Variants in FXYD6 observed in about 807,000 individuals in gnomAD.
FXYD6 encodes FXYD domain containing ion transport regulator 6.
In FXYD6, 7 loss-of-function variants were observed where a neutral mutation model predicts 16.7. That is an observed-to-expected ratio of 0.42 (90% CI 0.24 to 0.79). FXYD6 has a LOEUF of 0.79. Among genes scored for constraint, FXYD6 ranks in the 30% least tolerant of loss-of-function variants. FXYD6 has a pLI of 0.28. For missense variants in FXYD6, 111 were observed against 116.2 expected (o/e 0.95, Z 0.21); for synonymous variants, 49 against 43.0 (o/e 1.14, Z -0.54).
At chr11:117,849,457 G>A (rs1001164359) in intron 1 of FXYD6, among the ~76,000 whole-genome samples, 1 of 151,986 alleles carries the variant, frequency 6.6e-6, no homozygotes, top group African/African-American at 2.4e-5. Context: ...TATGTGCTTG[G>A]AAAATTGTGA....
chr11:117,864,773 G>A (rs2056979036), intron 1 of FXYD6, among the ~76,000 whole-genome samples: 1 of 152,154 alleles, frequency 6.6e-6, no homozygotes, highest in African/African-American at 2.4e-5. Flanking sequence ...TTTTAGTAGA[G>A]ACAGGGTTTC....
chr11:117,847,567 T>C (rs995041179), intron 1 of FXYD6, among the ~76,000 whole-genome samples: 1 of 137,682 alleles, frequency 7.3e-6, no homozygotes, highest in Admixed American at 8.1e-5. Flanking sequence ...CCTGTGTCCA[T>C]GTGTTCTCAT....
upstream of FXYD6, chr11:117,876,749 CGGGG>C (rs949564962): frequency 1.2e-5 from 1 of 82,350 alleles, no homozygotes; most frequent in Non-Finnish European, 2.8e-5. Flanking sequence ...GCGCGTCCTG[CGGGG>C]GCGGGGGGGG....
At chr11:117,869,711 C>G (rs1310974345) in intron 1 of FXYD6, among the ~76,000 whole-genome samples, 1 of 152,202 alleles carries the variant, frequency 6.6e-6, no homozygotes, top group Non-Finnish European at 1.5e-5. Flanking sequence ...CAGAAAATAA[C>G]TGACTGTGAA....
rs1239436489 is a variant in FXYD6, at chr11:117,872,166, T to C, written c.-6+4426A>G. Among the ~76,000 whole-genome samples, 2 of 152,204 alleles carry C rather than the reference T, an allele frequency of 1.3e-5. No individual in the cohort carries two copies. The highest frequency in any genetic ancestry group is 4.8e-5 in the African/African-American group (2 of 41,440). On this transcript the variant is annotated intron_variant, in intron 1 of 7. Coordinates refer to ENST00000526014, the MANE Select transcript of FXYD6 (RefSeq NM_022003.4). This position sits in a 1 kb window ranked among gnomAD's most constrained non-coding sequence, Gnocchi z 4.9. ...GGTGGACGTTCACAGGCCATCACCA[T>C]GGTCTGAGAGACTGCAGCTCTTCGG... is the stretch of plus-strand genomic sequence containing the variant.
chr11:117,839,665 A>G, intron 7 of FXYD6, 116 bp downstream of exon 7: 5 of 1,264,314 alleles, frequency 4.0e-6, no homozygotes, highest in Middle Eastern at 2.0e-4. Flanking sequence ...AGGGCCCATA[A>G]TAAAAGCTGT....
chr11:117,839,874 C>A, intron 6 of FXYD6, 44 bp from the exon 7 acceptor site: 1 of 1,613,024 alleles, frequency 6.2e-7, no homozygotes, highest in Non-Finnish European at 8.5e-7. Flanking sequence ...AGACTCCTCA[C>A]CCCCGTGGGC....
chr11:117,847,646 A>G (rs1340430455), intron 1 of FXYD6, among the ~76,000 whole-genome samples: 2 of 151,612 alleles, frequency 1.3e-5, no homozygotes, highest in Non-Finnish European at 2.9e-5. Context: ...TAGTTTTCTG[A>G]GAATGATGGT....
chr11:117,839,530 G>A (rs958815509), intron 7 of FXYD6: 12 of 478,864 alleles, frequency 2.5e-5, no homozygotes, highest in African/African-American at 3.8e-5. Context: ...CTATGCACTC[G>A]GCCAGTGGGC....
intron 1 of FXYD6, among the ~76,000 whole-genome samples, chr11:117,856,353 T>C (rs1409890952): frequency 6.6e-6 from 1 of 152,162 alleles, no homozygotes; most frequent in African/African-American, 2.4e-5. Flanking sequence ...AGGCTCCAAA[T>C]TACAGTGAAA....
chr11:117,842,340 C>T (rs1051232310), intron 2 of FXYD6: 8 of 562,166 alleles, frequency 1.4e-5, no homozygotes, highest in Admixed American at 9.6e-5. Context: ...TTGTGACACA[C>T]GGAGAAACCG....
chr11:117,839,531 G>A lies in FXYD6; in HGVS notation c.*21+250C>T, dbSNP rs113136382. ...CTTGGGATGACGCCCTATGCACTCG[G>A]CCAGTGGGCTGTGTGGAAGCCCCAT... On this transcript the variant is annotated intron_variant, in intron 7 of 7. Coordinates refer to ENST00000526014, the MANE Select transcript of FXYD6 (RefSeq NM_022003.4). 9.2e-4 allele frequency: 453 copies of A among 492,052 alleles called. 5 individuals carry two copies. The highest frequency in any genetic ancestry group is 7.8e-3 in the African/African-American group (412 of 52,760). 30.5% of individuals were successfully genotyped at this position (492,052 alleles called of 1,614,324 possible). A position where few individuals can be genotyped will look rare whatever the true frequency, so the allele number is the denominator to read the frequency against.
At chr11:117,860,421 G>C (rs5014624) in intron 1 of FXYD6, among the ~76,000 whole-genome samples, 1 of 152,012 alleles carries the variant, frequency 6.6e-6, no homozygotes, top group Non-Finnish European at 1.5e-5. Flanking sequence ...AGGGGCTCCC[G>C]CATCTGGATG....
chr11:117,840,281 C>A, intron 6 of FXYD6, 38 bp downstream of exon 6: 1 of 1,614,034 alleles, frequency 6.2e-7, no homozygotes, highest in South Asian at 1.1e-5. Context: ...CTCTCTGTTC[C>A]CTCTTTTCCA....
Position 117,838,377 on chromosome 11 carries a change from G to A in FXYD6, c.*22-100C>T, listed in dbSNP as rs17121313. 6,880 of 694,690 alleles carry A rather than the reference G, an allele frequency of 9.9e-3. 125 individuals carry two copies. Among genetic ancestry groups the A allele is most frequent in the African/African-American group, 0.057 (3,244 of 57,020 alleles). The allele number at this position is 694,690 out of a possible 1,614,324, so 43.0% of individuals were successfully genotyped here. ...TGAGCACCTGCCCACTGAAATTCCC[G>A]GTATGACAGCCTCGTCTGAGACGCA... On this transcript the variant is annotated intron_variant, in intron 7 of 7. Transcript: ENST00000526014.
intron 1 of FXYD6, among the ~76,000 whole-genome samples, chr11:117,855,134 G>A (rs1428600142): frequency 6.6e-6 from 1 of 152,170 alleles, no homozygotes; most frequent in Non-Finnish European, 1.5e-5. Flanking sequence ...TAAGATGGTT[G>A]GAATCAGATT....
chr11:117,876,362 C>T (rs2057265478), intron 1 of FXYD6, among the ~76,000 whole-genome samples: 1 of 152,216 alleles, frequency 6.6e-6, no homozygotes, highest in Non-Finnish European at 1.5e-5. Flanking sequence ...CCACAGCCTG[C>T]CTCCCCTAGA....
At chr11:117,841,760 C>T (rs956746147) in intron 4 of FXYD6, 31 bp downstream of exon 4, 6 of 1,613,004 alleles carry the variant, frequency 3.7e-6, no homozygotes, top group Non-Finnish European at 5.1e-6. Context: ...AGTCATTGCT[C>T]TTAACAGAGT....
intron 4 of FXYD6, chr11:117,841,508 C>T (rs987373561): frequency 6.8e-6 from 4 of 589,120 alleles, no homozygotes; most frequent in Non-Finnish European, 1.2e-5. Context: ...CTCCTTCCTC[C>T]GTGACTGCCC....
Sources: allele counts gnomAD v4.1 joint callset (sites outside exome capture counted in the v4.1 genomes callset), GRCh38; gene constraint gnomAD v4.1.1; non-coding constraint Gnocchi (gnomAD v3.1); transcripts MANE v1.5; gene names NCBI Gene and HGNC (gene_info 2026-07-23, HGNC 2026-07-21).